Variants in CD163L1 observed in about 807,000 individuals in gnomAD.
The protein encoded by CD163L1 is CD163 molecule like 1.
A neutral mutation model predicts 165.4 loss-of-function variants in CD163L1; 124 were observed. The observed-to-expected ratio is 0.75, with a 90% confidence interval of 0.65 to 0.87. The LOEUF (loss-of-function observed/expected upper bound fraction) is 0.87, where lower values mean the gene tolerates loss of function less well. Among genes scored for constraint, CD163L1 ranks in the 40% least tolerant of loss-of-function variants. The probability of loss-of-function intolerance (pLI) is 0.00; values close to 1 mark genes in which losing one functional copy is unlikely to be tolerated. For missense variants in CD163L1, 1,525 were observed against 1,799.9 expected (o/e 0.85, Z 2.76); for synonymous variants, 585 against 662.2 (o/e 0.88, Z 1.79).
intron 4 of CD163L1, among the ~76,000 whole-genome samples, chr12:7,421,041 A>ATATATATGTATATACG (rs1948348530): frequency 1.8e-5 from 2 of 108,620 alleles, no homozygotes; most frequent in Non-Finnish European, 3.4e-5. Flanking sequence ...ATATACGTGT[A>ATATATATGTATATACG]TATATATGTA....
chr12:7,325,667 A>G, the CD163L1 span, among the ~76,000 whole-genome samples: 1 of 152,144 alleles, frequency 6.6e-6, no homozygotes, highest in South Asian at 2.1e-4. Context: ...CAAGAAAGAA[A>G]CAAAACTGTG....
downstream of CD163L1, among the ~76,000 whole-genome samples, chr12:7,343,658 G>A (rs772696096): frequency 6.6e-6 from 1 of 152,292 alleles, no homozygotes; most frequent in Admixed American, 6.5e-5. Context: ...AGCAAGCCAT[G>A]AGGGATATAT....
chr12:7,439,216 G>A (rs2136651173), intron 2 of CD163L1: 2 of 1,579,656 alleles, frequency 1.3e-6, no homozygotes, highest in African/African-American at 1.4e-5. Flanking sequence ...ATTCCACCTG[G>A]GATTCGACAA....
intron 2 of CD163L1, among the ~76,000 whole-genome samples, chr12:7,437,145 TTTA>T (rs1425745723): frequency 2.6e-5 from 2 of 76,098 alleles, no homozygotes; most frequent in Non-Finnish European, 5.3e-5. Context: ...ATTTATTATT[TTTA>T]TTATACTTTT....
At chr12:7,371,848 C>T (rs1947152559) in intron 14 of CD163L1, among the ~76,000 whole-genome samples, 1 of 151,592 alleles carries the variant, frequency 6.6e-6, no homozygotes, top group African/African-American at 2.4e-5. Flanking sequence ...CACAAATATG[C>T]AAGCATAACA....
At chr12:7,438,022 A>G (rs1320669942) in intron 2 of CD163L1, among the ~76,000 whole-genome samples, 1 of 152,054 alleles carries the variant, frequency 6.6e-6, no homozygotes, top group Non-Finnish European at 1.5e-5. Flanking sequence ...TCTTTTTTAA[A>G]ATTCATTTTT....
chr12:7,330,535 G>T, the CD163L1 span, among the ~76,000 whole-genome samples: 1 of 152,192 alleles, frequency 6.6e-6, no homozygotes, highest in Non-Finnish European at 1.5e-5. Flanking sequence ...TTAAGTTGAA[G>T]AATACTCCTA....
chr12:7,396,886 G>A (rs909760034), intron 7 of CD163L1, among the ~76,000 whole-genome samples: 5 of 151,302 alleles, frequency 3.3e-5, no homozygotes, highest in African/African-American at 1.2e-4. Context: ...AGAGGCTCAC[G>A]TTCTATTGGT....
At chr12:7,397,731 T>C (rs775136955) in intron 7 of CD163L1, among the ~76,000 whole-genome samples, 53 of 152,172 alleles carry the variant, frequency 3.5e-4, no homozygotes, top group Admixed American at 1.6e-3. Flanking sequence ...GGCTCCAAAA[T>C]GTGAGGTACA....
the CD163L1 span, among the ~76,000 whole-genome samples, chr12:7,341,597 T>C: frequency 6.6e-6 from 1 of 152,212 alleles, no homozygotes; most frequent in Non-Finnish European, 1.5e-5. Context: ...GTCTAAAATG[T>C]GTGCAGCCAT....
intron 4 of CD163L1, among the ~76,000 whole-genome samples, chr12:7,425,112 C>G (rs916029795): frequency 3.9e-5 from 6 of 152,190 alleles, no homozygotes; most frequent in Admixed American, 3.3e-4. Flanking sequence ...AACAAACCAG[C>G]ATGGTACTGG....
chr12:7,436,172 T>G (rs748183287), intron 2 of CD163L1, among the ~76,000 whole-genome samples: 1 of 152,286 alleles, frequency 6.6e-6, no homozygotes, highest in East Asian at 1.9e-4. Flanking sequence ...AAAATCCAGT[T>G]TCCTGGTTGA....
At chr12:7,390,988 G>A (rs1014932894) in intron 8 of CD163L1, among the ~76,000 whole-genome samples, 9 of 152,028 alleles carry the variant, frequency 5.9e-5, no homozygotes, top group Non-Finnish European at 7.4e-5. Context: ...AAACAGCTCC[G>A]GTCTTCAGCT....
chr12:7,404,490 A>C (rs1947976710), intron 5 of CD163L1, among the ~76,000 whole-genome samples: 1 of 152,214 alleles, frequency 6.6e-6, no homozygotes, highest in Non-Finnish European at 1.5e-5. Context: ...CCATCAGCAT[A>C]TACATCACGT....
chr12:7,407,908 A>G (rs1347896170), intron 4 of CD163L1, among the ~76,000 whole-genome samples: 1 of 151,912 alleles, frequency 6.6e-6, no homozygotes, highest in Non-Finnish European at 1.5e-5. Context: ...GCAGATGCTC[A>G]AGTCCCTTAG....
chr12:7,435,712 C>T (rs919595798), intron 2 of CD163L1, among the ~76,000 whole-genome samples: 13 of 151,884 alleles, frequency 8.6e-5, no homozygotes, highest in South Asian at 4.1e-4. Context: ...ACCTATAGAC[C>T]GTAGTAAACT....
intron 2 of CD163L1, among the ~76,000 whole-genome samples, chr12:7,437,208 T>TAAA (rs1185612962): frequency 2.2e-4 from 32 of 142,812 alleles, no homozygotes; most frequent in African/African-American, 8.4e-4. Context: ...GTATTACTTT[T>TAAA]TTATTTTAAT....
chr12:7,328,710 A>C, the CD163L1 span: 83 of 162,944 alleles, frequency 5.1e-4, no homozygotes, highest in Middle Eastern at 3.1e-3. Context: ...TTCAAAATAA[A>C]CATATATCCT....
chr12:7,376,342 TG>T (rs1947272481), intron 9 of CD163L1, among the ~76,000 whole-genome samples: 2 of 152,194 alleles, frequency 1.3e-5, no homozygotes, highest in Non-Finnish European at 2.9e-5. Flanking sequence ...CTTAAGAAGA[TG>T]GTGTAATATA....
Sources: gnomAD v4.1 joint callset for allele counts (sites outside exome capture counted in the v4.1 genomes callset) on GRCh38, gnomAD v4.1.1 for gene constraint, MANE v1.5 for transcripts, NCBI Gene and HGNC (gene_info 2026-07-23, HGNC 2026-07-21) for gene names.